The following UBXN4 variants were observed in gnomAD, a reference collection of about 807,000 sequenced individuals.
UBXN4 encodes UBX domain protein 4, also known as UBX domain-containing protein 4.
Under a neutral mutation model 66.2 loss-of-function variants are expected in UBXN4, and 35 were observed. That is an observed-to-expected ratio of 0.53 (90% CI 0.40 to 0.70). The LOEUF (loss-of-function observed/expected upper bound fraction) is 0.70, where lower values mean the gene tolerates loss of function less well. Among genes scored for constraint, UBXN4 ranks in the 30% least tolerant of loss-of-function variants. The probability of loss-of-function intolerance (pLI) is 0.00; values close to 1 mark genes in which losing one functional copy is unlikely to be tolerated. For missense variants in UBXN4, 533 were observed against 599.8 expected (o/e 0.89, Z 1.16); for synonymous variants, 203 against 204.5 (o/e 0.99, Z 0.06).
At chr2:135,768,366 T>C (rs963578538) in intron 6 of UBXN4, among the ~76,000 whole-genome samples, 2 of 150,066 alleles carry the variant, frequency 1.3e-5, no homozygotes, top group African/African-American at 2.5e-5. Flanking sequence ...ACCTGGCTAA[T>C]TTTTGTATTT....
chr2:135,745,875 C>CTTTGTTTT (rs2077204310), intron 1 of UBXN4, among the ~76,000 whole-genome samples: 1 of 74,398 alleles, frequency 1.3e-5, no homozygotes. Flanking sequence ...GTCCCGTTTA[C>CTTTGTTTT]TTTTTTTTTT....
chr2:135,780,483 C>A, intron 12 of UBXN4, 98 bp downstream of exon 12: 1 of 1,094,752 alleles, frequency 9.1e-7, no homozygotes, highest in South Asian at 1.4e-5. Context: ...TGTATATGTC[C>A]TCTCCAGTTC....
At chr2:135,767,509 A>G (rs941700929) in intron 6 of UBXN4, among the ~76,000 whole-genome samples, 4 of 152,204 alleles carry the variant, frequency 2.6e-5, no homozygotes, top group Non-Finnish European at 5.9e-5. Context: ...TTGTGATGGA[A>G]TCATGCAACG....
intron 7 of UBXN4, among the ~76,000 whole-genome samples, chr2:135,770,150 A>AT (rs1042428913): frequency 6.6e-6 from 1 of 152,108 alleles, no homozygotes; most frequent in East Asian, 1.9e-4. Flanking sequence ...ATGTATAGAC[A>AT]TTTTGCTGAA....
In UBXN4 at chr2:135,755,527, T is replaced by C. The variant is rs1464456832; in HGVS notation, c.344T>C (p.Leu115Pro). ...TTATTTTCTGCCTAGATGCATTTGC[T>C]AAAAAGTGAAACATCAGTAGCAAAT... ...RIHKVRQMHLLKSETSVANGS... is the reference protein window; with the variant it reads ...RIHKVRQMHLPKSETSVANGS... The change falls in exon 5 of 13, where the codon CTA (leucine) becomes CCA (proline). Residue 115 changes from leucine (L) to proline (P), a missense_variant. Coordinates refer to ENST00000272638, the MANE Select transcript of UBXN4 (RefSeq NM_014607.4). 1.3e-6 allele frequency: 2 copies of C among 1,583,114 alleles called. No individual in the cohort carries two copies. The highest frequency in any genetic ancestry group is 1.2e-5 in the South Asian group (1 of 85,436).
At chr2:135,746,586 A>C (rs1256042987) in intron 1 of UBXN4, among the ~76,000 whole-genome samples, 1 of 152,196 alleles carries the variant, frequency 6.6e-6, no homozygotes, top group African/African-American at 2.4e-5. Flanking sequence ...TATCAGCTTT[A>C]TTGAGCTGAT....
chr2:135,765,391 G>A (rs1423290374), intron 6 of UBXN4, among the ~76,000 whole-genome samples: 2 of 151,596 alleles, frequency 1.3e-5, no homozygotes, highest in Non-Finnish European at 2.9e-5. Flanking sequence ...TATATTTTTA[G>A]TAGAGGCAGG....
intron 2 of UBXN4, 30 bp from the exon 3 acceptor site, chr2:135,753,509 C>T (rs749023957): frequency 2.0e-6 from 3 of 1,514,716 alleles, no homozygotes; most frequent in Non-Finnish European, 2.6e-6. Context: ...TTGCATTCAT[C>T]TAGTGATTTT....
chr2:135,752,094 C>G (rs533251348), intron 2 of UBXN4, among the ~76,000 whole-genome samples: 1 of 152,094 alleles, frequency 6.6e-6, no homozygotes, highest in African/African-American at 2.4e-5. Flanking sequence ...GTACCCTGAG[C>G]TGGAGTGCAA....
In UBXN4 at chr2:135,782,976, A is replaced by G; in HGVS notation, c.*89A>G. The G allele has an allele frequency of 7.2e-7, 1 of 1,385,394 alleles. No individual in the cohort carries two copies. Among genetic ancestry groups the G allele is most frequent in the South Asian group, 1.4e-5 (1 of 71,930 alleles). 85.8% of individuals were successfully genotyped at this position (1,385,394 alleles called of 1,614,324 possible). On this transcript the variant is annotated 3_prime_UTR_variant, in exon 13 of 13. Transcript: ENST00000272638. ...TACTGGAGAAGTGGGACTGCTTTAT[A>G]TTTTCCAACTGGTCTATAAAATGTC...
chr2:135,753,460 A>G, intron 2 of UBXN4, 79 bp from the exon 3 acceptor site: 2 of 1,288,234 alleles, frequency 1.6e-6, no homozygotes, highest in East Asian at 2.9e-5. Flanking sequence ...TGATTGGTAC[A>G]GTAAATTTTA....
intron 8 of UBXN4, 56 bp from the exon 9 acceptor site, chr2:135,772,364 G>A (rs2077388242): frequency 1.9e-6 from 3 of 1,580,238 alleles, no homozygotes; most frequent in East Asian, 2.3e-5. Context: ...GTTTGGAATT[G>A]TGTGAATTAA....
chr2:135,782,786 G>A lies in UBXN4; in HGVS notation c.1426G>A (p.Asp476Asn). ...VRKRVLEKRG[D>N]DFKKEGKIYR... ...AAAAAGAGTGCTGGAAAAACGTGGA[G>A]ACGACTTTAAAAAGGAGGGGAAAAT... The change falls in exon 13 of 13, where the codon GAC becomes AAC. Residue 476 changes from aspartate (D) to asparagine (N), a missense_variant. Transcript: ENST00000272638. The A allele has an allele frequency of 1.2e-6, 2 of 1,614,018 alleles. No homozygotes were observed. The highest frequency in any genetic ancestry group is 1.7e-6 in the Non-Finnish European group (2 of 1,179,960).
chr2:135,774,783 T>A (rs1052048326), intron 9 of UBXN4, among the ~76,000 whole-genome samples: 1 of 151,392 alleles, frequency 6.6e-6, no homozygotes, highest in South Asian at 2.1e-4. Context: ...AGGCGGAGGT[T>A]GTAGTGAACC....
chr2:135,772,882 C>A (rs1197928818), intron 9 of UBXN4, among the ~76,000 whole-genome samples: 1 of 151,788 alleles, frequency 6.6e-6, no homozygotes, highest in African/African-American at 2.4e-5. Flanking sequence ...ACTAAAAATA[C>A]AAAAATTAGC....
intron 1 of UBXN4, among the ~76,000 whole-genome samples, chr2:135,744,289 A>G (rs1028265949): frequency 1.3e-5 from 2 of 152,208 alleles, no homozygotes; most frequent in African/African-American, 2.4e-5. Flanking sequence ...CAAGTGGGAA[A>G]CGTTTTAGGC....
chr2:135,745,724 C>A (rs184031824), intron 1 of UBXN4, among the ~76,000 whole-genome samples: 1 of 152,198 alleles, frequency 6.6e-6, no homozygotes, highest in East Asian at 1.9e-4. Flanking sequence ...CTTAATCTCT[C>A]CTCATCAGAT....
intron 6 of UBXN4, among the ~76,000 whole-genome samples, chr2:135,764,431 A>T (rs72970283): frequency 0.027 from 4,158 of 151,480 alleles, 193 homozygotes; most frequent in African/African-American, 0.095. Context: ...AAACATAATT[A>T]AAAAAAAACG....
chr2:135,781,170 G>A lies in UBXN4; in HGVS notation c.1388+785G>A, dbSNP rs115389004. ...GGAGATTGAGGCTGCAGTGAGCCAA[G>A]ATTGTGCCATTGCACTCCAGCCTGG... On this transcript the variant is annotated intron_variant, in intron 12 of 12. Coordinates refer to ENST00000272638, the MANE Select transcript of UBXN4 (RefSeq NM_014607.4). 5.9e-3 allele frequency among the ~76,000 whole-genome samples: 892 copies of A among 152,340 alleles called. 11 individuals carry two copies. The highest frequency in any genetic ancestry group is 0.021 in the African/African-American group (858 of 41,572).
Sources: allele counts gnomAD v4.1 joint callset (sites outside exome capture counted in the v4.1 genomes callset), GRCh38; gene constraint gnomAD v4.1.1; transcripts MANE v1.5; gene names NCBI Gene and HGNC (gene_info 2026-07-23, HGNC 2026-07-21).